The following TSPEAR variants were observed in gnomAD, a reference collection of about 807,000 sequenced individuals.
TSPEAR encodes the protein thrombospondin-type laminin G domain and EAR repeat-containing protein.
TSPEAR carries 69 observed loss-of-function variants against 71.6 expected under a neutral mutation model. That is an observed-to-expected ratio of 0.96 (90% CI 0.79 to 1.18). The LOEUF is 1.18. Ranked by LOEUF, TSPEAR falls within the 50% of genes most tolerant of loss-of-function variation. TSPEAR has a pLI of 0.00. For synonymous variants in TSPEAR, 402 were observed against 387.2 expected (o/e 1.04, Z -0.45); for missense variants, 971 against 894.9 (o/e 1.09, Z -1.09).
In TSPEAR at chr21:44,623,947, G is replaced by C. The variant is rs1982611176; in HGVS notation, c.83-55942C>G. Among the ~76,000 whole-genome samples, 1 of 152,048 alleles carries C rather than the reference G, an allele frequency of 6.6e-6. No homozygotes were observed. The highest frequency in any genetic ancestry group is 2.4e-5 in the African/African-American group (1 of 41,390). ...ATGCTTTTTGCATCTATGGGTTAAT[G>C]TTTTTCATCACTTTAAACTTCTTGT... On this transcript the variant is annotated intron_variant, in intron 1 of 11. Transcript: ENST00000323084. The surrounding 1 kb of genome is among the most constrained non-coding windows in gnomAD (Gnocchi z 4.5).
chr21:44,697,398 C>G lies in TSPEAR; in HGVS notation c.82+14035G>C, dbSNP rs374287658. ...GTATCCAGCCCCTGCTGCCGAGTGA[C>G]CTGTGAGCCCAGCCCCTGCCAATCA... On this transcript the variant is annotated intron_variant, in intron 1 of 11. Coordinates refer to ENST00000323084, the MANE Select transcript of TSPEAR (RefSeq NM_144991.3). 1.8e-5 allele frequency: 29 copies of G among 1,613,500 alleles called. No homozygotes were observed. In the African/African-American group the frequency reaches 3.9e-4, roughly 22 times the overall value.
At chr21:44,644,272 C>T (rs1459285430) in intron 1 of TSPEAR, among the ~76,000 whole-genome samples, 10 of 152,176 alleles carry the variant, frequency 6.6e-5, no homozygotes, top group Admixed American at 1.3e-4. Context: ...TTGTGGCTGA[C>T]GTAAAAAGAC....
At chr21:44,676,093 A>G in intron 1 of TSPEAR, 1 of 872,560 alleles carries the variant, frequency 1.1e-6, no homozygotes. Flanking sequence ...ACGTGTTTAT[A>G]TCTTCAGATC....
At chr21:44,549,297 A>G (rs2053358589) in intron 2 of TSPEAR, among the ~76,000 whole-genome samples, 2 of 152,170 alleles carry the variant, frequency 1.3e-5, no homozygotes, top group Non-Finnish European at 2.9e-5. Flanking sequence ...GGGGAGGGGT[A>G]CTGGGAATGA....
chr21:44,657,508 C>G (rs1555942759), intron 1 of TSPEAR, among the ~76,000 whole-genome samples: 3 of 152,192 alleles, frequency 2.0e-5, no homozygotes, highest in Non-Finnish European at 4.4e-5. Flanking sequence ...ATTTGAAAAA[C>G]AGGCAGTGGG....
chr21:44,698,148 G>C, intron 1 of TSPEAR: 1 of 643,968 alleles, frequency 1.6e-6, no homozygotes, highest in Non-Finnish European at 2.7e-6. Flanking sequence ...CCACTCCCCC[G>C]GCTCTTCCAG....
chr21:44,532,100 T>G (rs1487769833), intron 3 of TSPEAR, among the ~76,000 whole-genome samples: 1 of 152,200 alleles, frequency 6.6e-6, no homozygotes, highest in Non-Finnish European at 1.5e-5. Context: ...CCCCAAGCCC[T>G]GGCCTGTACC....
intron 1 of TSPEAR, among the ~76,000 whole-genome samples, chr21:44,656,174 A>C (rs752389598): frequency 3.3e-4 from 51 of 152,240 alleles, no homozygotes; most frequent in Non-Finnish European, 5.4e-4. Context: ...CTAGTCACCA[A>C]GTAATCCATT....
chr21:44,670,064 A>G (rs1394414902), intron 1 of TSPEAR, among the ~76,000 whole-genome samples: 2 of 152,216 alleles, frequency 1.3e-5, no homozygotes, highest in Non-Finnish European at 2.9e-5. Flanking sequence ...CCCTTTTAAT[A>G]TCATTCAAAA....
At chr21:44,677,197 C>T in intron 1 of TSPEAR, 1 of 712,522 alleles carries the variant, frequency 1.4e-6, no homozygotes, top group Non-Finnish European at 2.6e-6. Flanking sequence ...TTTGCATTTT[C>T]AGTCACACTT....
At chr21:44,603,761 G>A (rs1981134671) in intron 1 of TSPEAR, among the ~76,000 whole-genome samples, 1 of 152,202 alleles carries the variant, frequency 6.6e-6, no homozygotes, top group Non-Finnish European at 1.5e-5. Flanking sequence ...TTGTCACCTG[G>A]ACATTCACCA....
At chr21:44,564,351 T>A (rs756107197) in intron 2 of TSPEAR, among the ~76,000 whole-genome samples, 8 of 152,196 alleles carry the variant, frequency 5.3e-5, no homozygotes, top group African/African-American at 1.9e-4. Flanking sequence ...TCAGACTGGA[T>A]TAAATAAAAA....
intron 1 of TSPEAR, among the ~76,000 whole-genome samples, chr21:44,616,396 CCA>C (rs1982097971): frequency 6.6e-6 from 1 of 152,342 alleles, no homozygotes; most frequent in African/African-American, 2.4e-5. Context: ...TTCCACACAA[CCA>C]CAGACACAAG....
chr21:44,688,405 G>A (rs1986956470), intron 1 of TSPEAR, among the ~76,000 whole-genome samples: 1 of 152,134 alleles, frequency 6.6e-6, no homozygotes, highest in Non-Finnish European at 1.5e-5. Context: ...GTTTACCAAG[G>A]ATGAGGGACT....
At chr21:44,586,872 A>C (rs1979371603) in intron 1 of TSPEAR, among the ~76,000 whole-genome samples, 1 of 152,248 alleles carries the variant, frequency 6.6e-6, no homozygotes, top group African/African-American at 2.4e-5. Flanking sequence ...CAAAATCAAC[A>C]TACAAGGGAC....
At chr21:44,661,665 T>C (rs1240993187) in intron 1 of TSPEAR, among the ~76,000 whole-genome samples, 1 of 152,184 alleles carries the variant, frequency 6.6e-6, no homozygotes, top group African/African-American at 2.4e-5. Context: ...TGGCATCTGC[T>C]CAGCTTCTGG....
chr21:44,676,132 G>A (rs1444427985), intron 1 of TSPEAR: 27 of 922,520 alleles, frequency 2.9e-5, no homozygotes, highest in Non-Finnish European at 4.2e-5. Context: ...TTGCTGAGGC[G>A]GGAATAGAAG....
intron 1 of TSPEAR, among the ~76,000 whole-genome samples, chr21:44,639,361 C>A (rs1477261611): frequency 2.6e-5 from 4 of 152,228 alleles, no homozygotes; most frequent in African/African-American, 9.6e-5. Flanking sequence ...ATGACCCTTG[C>A]GTGTCAATGA....
intron 1 of TSPEAR, among the ~76,000 whole-genome samples, chr21:44,569,411 C>A (rs1297658046): frequency 1.3e-5 from 2 of 152,120 alleles, no homozygotes; most frequent in African/African-American, 4.8e-5. Flanking sequence ...GCAAAGCAGC[C>A]GTGAGCACCC....
Sources: allele counts gnomAD v4.1 joint callset (sites outside exome capture counted in the v4.1 genomes callset), GRCh38; gene constraint gnomAD v4.1.1; non-coding constraint Gnocchi (gnomAD v3.1); transcripts MANE v1.5; gene names NCBI Gene and HGNC (gene_info 2026-07-23, HGNC 2026-07-21).